PTPN4: variants seen among roughly 807,000 people sequenced by gnomAD.
The protein encoded by PTPN4 is tyrosine-protein phosphatase non-receptor type 4.
PTPN4 carries 49 observed loss-of-function variants against 135.5 expected under a neutral mutation model. The observed-to-expected ratio is 0.36, with a 90% CI of 0.29 to 0.46. The LOEUF (loss-of-function observed/expected upper bound fraction) is 0.46. Among genes scored for constraint, PTPN4 ranks in the 20% least tolerant of loss-of-function variants. The pLI is 1.00. For synonymous variants in PTPN4, 333 were observed against 369.9 expected, an observed-to-expected ratio of 0.90 and a Z score of 1.14; for missense variants, 860 against 1,101.0, an observed-to-expected ratio of 0.78 and a Z score of 3.10.
chr2:119,911,559 G>C (rs1409250880), intron 10 of PTPN4, among the ~76,000 whole-genome samples: 1 of 152,186 alleles, frequency 6.6e-6, no homozygotes, highest in East Asian at 1.9e-4. Context: ...AATGGTGAAA[G>C]TCTCAATGCT....
At chr2:119,976,454 C>T (rs1679620004) in intron 26 of PTPN4, among the ~76,000 whole-genome samples, 1 of 151,698 alleles carries the variant, frequency 6.6e-6, no homozygotes, top group South Asian at 2.1e-4. Flanking sequence ...ATAAAATAAC[C>T]TGGAATCATT....
chr2:119,841,453 C>G (rs1424940890), intron 2 of PTPN4, among the ~76,000 whole-genome samples: 1 of 152,072 alleles, frequency 6.6e-6, no homozygotes, highest in Non-Finnish European at 1.5e-5. Flanking sequence ...TTTCTGTATG[C>G]TTTTTACATA....
intron 26 of PTPN4, among the ~76,000 whole-genome samples, chr2:119,969,749 G>A (rs1042565479): frequency 1.3e-5 from 2 of 151,622 alleles, no homozygotes; most frequent in Admixed American, 6.6e-5. Flanking sequence ...TAGTAGAGAC[G>A]GGGTTTCACC....
intron 25 of PTPN4, 49 bp downstream of exon 25, chr2:119,965,694 A>AT: frequency 6.4e-7 from 1 of 1,551,406 alleles, no homozygotes; most frequent in African/African-American, 1.4e-5. Flanking sequence ...CAGATACGTC[A>AT]TTTTTAAAAG....
At chr2:119,777,101 T>C (rs1157873108) in intron 1 of PTPN4, among the ~76,000 whole-genome samples, 1 of 152,220 alleles carries the variant, frequency 6.6e-6, no homozygotes, top group Non-Finnish European at 1.5e-5. Context: ...TCTCTGACCT[T>C]ATCTTTGACC....
intron 9 of PTPN4, among the ~76,000 whole-genome samples, chr2:119,899,742 A>T (rs1486952058): frequency 6.6e-6 from 1 of 152,118 alleles, no homozygotes; most frequent in Non-Finnish European, 1.5e-5. Flanking sequence ...TACTCTGATA[A>T]TAGTGTACTA....
intron 1 of PTPN4, among the ~76,000 whole-genome samples, chr2:119,772,670 T>G (rs1184425363): frequency 6.6e-6 from 1 of 152,206 alleles, no homozygotes; most frequent in East Asian, 1.9e-4. Context: ...TCCAAGTAGC[T>G]GGGATTACAG....
chr2:119,806,502 G>A lies in PTPN4; in HGVS notation c.-17-3335G>A, dbSNP rs191760323. Among the ~76,000 whole-genome samples the A allele has an allele frequency of 4.4e-3, 669 of 152,172 alleles. 7 individuals are homozygous for A. Among genetic ancestry groups the A allele is most frequent in the Non-Finnish European group, 5.5e-3 (373 of 67,994 alleles). On this transcript the variant is annotated intron_variant, in intron 1 of 26. Coordinates refer to ENST00000263708, the MANE Select transcript of PTPN4 (RefSeq NM_002830.4). ...AGACGGCCATTACATAATGGTAAAG[G>A]GATCAATTCAACAAGAAGAGCTAAC...
At chr2:119,848,278 A>G (rs1188279344) in intron 2 of PTPN4, among the ~76,000 whole-genome samples, 1 of 148,452 alleles carries the variant, frequency 6.7e-6, no homozygotes, top group African/African-American at 2.5e-5. Context: ...GATTCACACC[A>G]TTCTCCCGCC....
intron 8 of PTPN4, among the ~76,000 whole-genome samples, chr2:119,883,588 G>A (rs893379853): frequency 3.3e-5 from 5 of 152,136 alleles, no homozygotes; most frequent in African/African-American, 9.7e-5. Flanking sequence ...GAAAAACTAA[G>A]GCAGTGTTGC....
In PTPN4 at chr2:119,945,131, A is replaced by G. The variant is rs991118124; in HGVS notation, c.1406A>G (p.Gln469Arg). 1.9e-6 allele frequency: 3 copies of G among 1,607,378 alleles called. No individual in the cohort carries two copies. The African/African-American group carries it at 4.0e-5, about 22-fold the overall frequency. ...DGKPPALPPK[Q>R]SKKNSWNQIH... ...AAGCCTCCAGCTTTACCACCCAAAC[A>G]GTCAAAGAAAAACAGTTGGAACCAA... is the stretch of plus-strand genomic sequence containing the variant. Residue 469 changes from glutamine (Q) to arginine (R), a missense_variant, in exon 16 of 27, where the codon CAG (glutamine) becomes CGG (arginine). Physicochemically the swap from Gln to Arg is conservative, Grantham distance 43. This residue lies in a region of PTPN4 where 684 missense variants were observed against 807.0 expected (regional missense o/e 0.85). Coordinates refer to ENST00000263708, the MANE Select transcript of PTPN4 (RefSeq NM_002830.4).
intron 22 of PTPN4, among the ~76,000 whole-genome samples, chr2:119,960,098 A>T (rs1045042392): frequency 3.9e-5 from 6 of 152,218 alleles, no homozygotes; most frequent in African/African-American, 9.6e-5. Context: ...AGAAGGCTAT[A>T]TGACAAACAG....
intron 26 of PTPN4, among the ~76,000 whole-genome samples, chr2:119,975,094 GTGTT>G (rs745533847): frequency 6.6e-6 from 1 of 151,942 alleles, no homozygotes; most frequent in Non-Finnish European, 1.5e-5. Context: ...AATTACTGAG[GTGTT>G]TGTTTGTTTG....
chr2:119,769,874 C>T (rs1242525116), intron 1 of PTPN4, among the ~76,000 whole-genome samples: 1 of 152,160 alleles, frequency 6.6e-6, no homozygotes, highest in Non-Finnish European at 1.5e-5. Context: ...TTTGGTAGGT[C>T]TTTGGAGTAA....
chr2:119,895,988 T>A (rs1678318515), intron 9 of PTPN4, among the ~76,000 whole-genome samples: 1 of 152,134 alleles, frequency 6.6e-6, no homozygotes, highest in Non-Finnish European at 1.5e-5. Flanking sequence ...TTAGGGTATG[T>A]GCAGAAAATG....
chr2:119,836,687 C>A (rs1229607872), intron 2 of PTPN4, among the ~76,000 whole-genome samples: 1 of 152,244 alleles, frequency 6.6e-6, no homozygotes, highest in African/African-American at 2.4e-5. Flanking sequence ...GGAAGCCCCT[C>A]AGCCCCTGCA....
intron 2 of PTPN4, among the ~76,000 whole-genome samples, chr2:119,844,671 T>C (rs1383413980): frequency 2.0e-5 from 3 of 148,850 alleles, no homozygotes; most frequent in East Asian, 4.1e-4. Context: ...CGGGCAGAGA[T>C]GCTCCTCACT....
rs1679710775 is a variant in PTPN4, at chr2:119,982,524, G to A, written c.*5454G>A. The A allele has an allele frequency of 6.6e-6, 1 of 152,082 alleles. No homozygotes were observed. Among genetic ancestry groups the A allele is most frequent in the African/African-American group, 2.4e-5 (1 of 41,404 alleles). The allele number at this position is 152,082 out of a possible 1,614,324, so 9.4% of individuals were successfully genotyped here. On this transcript the variant is annotated 3_prime_UTR_variant, in exon 27 of 27. Coordinates refer to ENST00000263708, the MANE Select transcript of PTPN4 (RefSeq NM_002830.4). ...TCATTGAAGCATTTTCAGATATAAT[G>A]TACATTCTTTTTCATTTTGCTTTGC...
At chr2:119,945,512 C>T (rs184617739) in intron 16 of PTPN4, among the ~76,000 whole-genome samples, 9 of 152,154 alleles carry the variant, frequency 5.9e-5, no homozygotes, top group East Asian at 5.8e-4. Flanking sequence ...AAGAACTAGT[C>T]AGATTTTTTC....
Sources: gnomAD v4.1 joint callset for allele counts (sites outside exome capture counted in the v4.1 genomes callset) on GRCh38, gnomAD v4.1.1 for gene constraint, gnomAD v4.1.1 regional missense constraint, MANE v1.5 for transcripts, NCBI Gene and HGNC (gene_info 2026-07-23, HGNC 2026-07-21) for gene names.